Variants in TENM3 observed in about 807,000 individuals in gnomAD.
TENM3 encodes the protein teneurin-3.
TENM3 carries 63 observed loss-of-function variants against 255.1 expected under a neutral mutation model. That is an observed-to-expected ratio of 0.25 (90% confidence interval 0.20 to 0.30). The LOEUF (loss-of-function observed/expected upper bound fraction) is 0.30. TENM3 is among the 10% of genes least tolerant of loss of function. TENM3 has a pLI of 1.00. For synonymous variants in TENM3, 1,306 were observed against 1,322.3 expected (o/e 0.99, Z 0.27); for missense variants, 2,929 against 3,461.1 (o/e 0.85, Z 3.86).
At chr4:181,718,226 A>G in the TENM3 span, among the ~76,000 whole-genome samples, 1 of 152,210 alleles carries the variant, frequency 6.6e-6, no homozygotes, top group African/African-American at 2.4e-5. Flanking sequence ...TTATGAAATA[A>G]CATTCAAAGA....
upstream of TENM3, chr4:182,144,547 C>T (rs2149547169): frequency 6.7e-6 from 1 of 149,980 alleles, no homozygotes; most frequent in Non-Finnish European, 1.5e-5. Flanking sequence ...GGCCGCGCGG[C>T]CGGGGGCGGG....
At chr4:182,439,399 G>A (rs1286732764) in intron 3 of TENM3, among the ~76,000 whole-genome samples, 1 of 152,204 alleles carries the variant, frequency 6.6e-6, no homozygotes, top group East Asian at 1.9e-4. Context: ...CAGACCCTAG[G>A]TAGAAATTTG....
chr4:182,026,702 A>G, the TENM3 span, among the ~76,000 whole-genome samples: 1 of 152,256 alleles, frequency 6.6e-6, no homozygotes, highest in Admixed American at 6.5e-5. Context: ...TCCCAGCACT[A>G]TTTATTGAGG....
At chr4:182,232,036 TC>T (rs1238991598) in intron 1 of TENM3, among the ~76,000 whole-genome samples, 1 of 152,196 alleles carries the variant, frequency 6.6e-6, no homozygotes, top group African/African-American at 2.4e-5. Context: ...ATTAAACACT[TC>T]CAATTCAGGA....
intron 3 of TENM3, among the ~76,000 whole-genome samples, chr4:182,380,249 C>T (rs576763995): frequency 1.9e-4 from 29 of 151,862 alleles, no homozygotes; most frequent in South Asian, 1.9e-3. Flanking sequence ...CCAGCCTGGG[C>T]AACGAGAGTG....
At chr4:181,876,577 G>GT in the TENM3 span, among the ~76,000 whole-genome samples, 2 of 152,024 alleles carry the variant, frequency 1.3e-5, no homozygotes, top group African/African-American at 4.8e-5. Context: ...TTGCAAATGT[G>GT]TTTTTTTGAA....
chr4:181,487,511 A>C, the TENM3 span, among the ~76,000 whole-genome samples: 9 of 152,182 alleles, frequency 5.9e-5, no homozygotes, highest in Non-Finnish European at 1.5e-5. Flanking sequence ...GTGTTCTCAC[A>C]TGGTGGAAGG....
At chr4:182,080,575 T>C in the TENM3 span, among the ~76,000 whole-genome samples, 1 of 152,230 alleles carries the variant, frequency 6.6e-6, no homozygotes, top group South Asian at 2.1e-4. Context: ...TAAAAATGTA[T>C]GTACTTCTAA....
chr4:181,737,778 C>A, the TENM3 span, among the ~76,000 whole-genome samples: 1 of 151,466 alleles, frequency 6.6e-6, no homozygotes, highest in Admixed American at 6.6e-5. Context: ...TATGCCCAAG[C>A]GGTCATCTGA....
the TENM3 span, among the ~76,000 whole-genome samples, chr4:181,798,611 C>A: frequency 6.6e-6 from 1 of 152,202 alleles, no homozygotes; most frequent in Non-Finnish European, 1.5e-5. Context: ...CAGTCAAAAA[C>A]CAATGCAGGC....
chr4:182,047,304 C>CT, the TENM3 span, among the ~76,000 whole-genome samples: 1 of 152,162 alleles, frequency 6.6e-6, no homozygotes, highest in Admixed American at 6.5e-5. Flanking sequence ...TGGCTCATGC[C>CT]TGTAATCCCA....
intron 24 of TENM3, among the ~76,000 whole-genome samples, chr4:182,781,241 A>C (rs1418181930): frequency 4.0e-5 from 6 of 149,656 alleles, no homozygotes; most frequent in Admixed American, 6.7e-5. Flanking sequence ...ATCAATACCT[A>C]ATTTATTGAG....
At chr4:182,604,698 T>A (rs912925946) in intron 4 of TENM3, among the ~76,000 whole-genome samples, 7 of 152,232 alleles carry the variant, frequency 4.6e-5, no homozygotes, top group African/African-American at 1.7e-4. Flanking sequence ...ACCTATTAGA[T>A]GTTAACAAAA....
At chr4:181,481,512 T>C in the TENM3 span, among the ~76,000 whole-genome samples, 2 of 152,214 alleles carry the variant, frequency 1.3e-5, no homozygotes, top group Non-Finnish European at 2.9e-5. Context: ...CCATTTGCTG[T>C]AACCCATTCA....
the TENM3 span, among the ~76,000 whole-genome samples, chr4:181,769,012 G>C: frequency 1.3e-5 from 2 of 151,982 alleles, no homozygotes; most frequent in Admixed American, 6.6e-5. Flanking sequence ...GTTTTCAAGA[G>C]ATTTTTTTCT....
the TENM3 span, among the ~76,000 whole-genome samples, chr4:181,839,345 G>GCA: frequency 5.3e-5 from 3 of 56,684 alleles, no homozygotes; most frequent in South Asian, 1.6e-3. Context: ...TGTATTGAGG[G>GCA]TATATATATA....
At chr4:182,771,500 G>GT (rs958609894) in intron 22 of TENM3, among the ~76,000 whole-genome samples, 2 of 119,974 alleles carry the variant, frequency 1.7e-5, no homozygotes, top group Admixed American at 9.1e-5. Flanking sequence ...CTCTGAAATG[G>GT]GGGGGGGGGA....
chr4:182,547,548 C>G (rs529672833), intron 3 of TENM3, among the ~76,000 whole-genome samples: 1 of 152,076 alleles, frequency 6.6e-6, no homozygotes, highest in Non-Finnish European at 1.5e-5. Context: ...ACGTCACCTC[C>G]GCCCCATCCC....
At chr4:181,688,882 C>A in the TENM3 span, among the ~76,000 whole-genome samples, 1 of 152,172 alleles carries the variant, frequency 6.6e-6, no homozygotes, top group Admixed American at 6.6e-5. Context: ...GTTTCCAATT[C>A]ACTTCTCCCT....
Sources: gnomAD v4.1 joint callset for allele counts (sites outside exome capture counted in the v4.1 genomes callset) on GRCh38, gnomAD v4.1.1 for gene constraint, MANE v1.5 for transcripts, NCBI Gene and HGNC (gene_info 2026-07-23, HGNC 2026-07-21) for gene names.